MBD5: variants seen among roughly 807,000 people sequenced by gnomAD.
The protein encoded by MBD5 is methyl-CpG binding domain protein 5.
MBD5 carries 13 observed loss-of-function variants against 117.3 expected under a neutral mutation model. The ratio of observed to expected loss-of-function variants is 0.11; its 90% confidence interval spans 0.07 to 0.18. The LOEUF (loss-of-function observed/expected upper bound fraction) is 0.18, where lower values mean the gene tolerates loss of function less well. Among genes scored for constraint, MBD5 ranks in the 10% least tolerant of loss-of-function variants. The pLI is 1.00. For synonymous variants in MBD5, 727 were observed against 766.4 expected (o/e 0.95, Z 0.85); for missense variants, 1,879 against 2,093.8 (o/e 0.90, Z 2.00).
chr2:148,124,808 A>T (rs1696852265), intron 1 of MBD5, among the ~76,000 whole-genome samples: 1 of 151,944 alleles, frequency 6.6e-6, no homozygotes, highest in South Asian at 2.1e-4. Context: ...TATCTATTTA[A>T]TTTAATGGAA....
chr2:148,285,499 T>G (rs1283042394), intron 3 of MBD5, among the ~76,000 whole-genome samples: 1 of 152,222 alleles, frequency 6.6e-6, no homozygotes, highest in Non-Finnish European at 1.5e-5. Context: ...CTTTCTTTAT[T>G]GTAGATGTAA....
intron 4 of MBD5, among the ~76,000 whole-genome samples, chr2:148,449,187 G>A (rs1318881718): frequency 2.0e-5 from 3 of 152,056 alleles, no homozygotes; most frequent in Non-Finnish European, 4.4e-5. Flanking sequence ...ATATGTATTT[G>A]AGAGCTGGTA....
At chr2:148,245,206 G>A (rs1334936775) in intron 3 of MBD5, among the ~76,000 whole-genome samples, 2 of 152,122 alleles carry the variant, frequency 1.3e-5, no homozygotes, top group Non-Finnish European at 2.9e-5. Context: ...GAAACATAGT[G>A]AGACCCTGTC....
chr2:148,434,612 T>A (rs939622868), intron 4 of MBD5, among the ~76,000 whole-genome samples: 7 of 152,146 alleles, frequency 4.6e-5, no homozygotes. Flanking sequence ...TGTGCTGTGG[T>A]CCAGGAGTGG....
intron 3 of MBD5, among the ~76,000 whole-genome samples, chr2:148,288,366 C>T (rs1322794450): frequency 1.1e-5 from 1 of 94,308 alleles, no homozygotes; most frequent in South Asian, 4.9e-4. Flanking sequence ...CGCCACTGCA[C>T]TCCAGCCTGG....
chr2:148,292,163 T>G (rs1701514641), intron 3 of MBD5, among the ~76,000 whole-genome samples: 2 of 152,160 alleles, frequency 1.3e-5, no homozygotes, highest in Non-Finnish European at 2.9e-5. Context: ...GGGCAAATAT[T>G]TCTTGAGCAA....
At chr2:148,341,673 A>G (rs1341739418) in intron 3 of MBD5, among the ~76,000 whole-genome samples, 2 of 151,940 alleles carry the variant, frequency 1.3e-5, no homozygotes, top group Non-Finnish European at 1.5e-5. Context: ...TAATTGGGCT[A>G]TAATAGAAAG....
chr2:148,095,055 A>T (rs1271467772), intron 1 of MBD5, among the ~76,000 whole-genome samples: 1 of 152,160 alleles, frequency 6.6e-6, no homozygotes, highest in East Asian at 1.9e-4. Context: ...TAAATGAATA[A>T]ATAAAACTGT....
intron 4 of MBD5, among the ~76,000 whole-genome samples, chr2:148,452,568 A>G (rs1302010791): frequency 7.2e-6 from 1 of 139,574 alleles, no homozygotes; most frequent in Non-Finnish European, 1.5e-5. Flanking sequence ...TATTAGGTTG[A>G]CAATAATCTC....
chr2:148,131,008 AAG>A (rs1306378388), intron 1 of MBD5, among the ~76,000 whole-genome samples: 1 of 152,210 alleles, frequency 6.6e-6, no homozygotes, highest in Non-Finnish European at 1.5e-5. Flanking sequence ...TACGAGATGA[AAG>A]AGGAGTTCTT....
intron 12 of MBD5, among the ~76,000 whole-genome samples, chr2:148,505,783 G>A (rs1161279150): frequency 6.6e-6 from 1 of 152,158 alleles, no homozygotes; most frequent in Non-Finnish European, 1.5e-5. Flanking sequence ...AAGAAAAGAG[G>A]AAAAGGCTGA....
At chr2:148,061,288 G>A (rs1245622395) in intron 1 of MBD5, among the ~76,000 whole-genome samples, 1 of 151,856 alleles carries the variant, frequency 6.6e-6, no homozygotes, top group Non-Finnish European at 1.5e-5. Flanking sequence ...ATGATCAGTC[G>A]CTCAGTGGCC....
intron 12 of MBD5, among the ~76,000 whole-genome samples, chr2:148,508,696 A>G (rs1451210634): frequency 1.3e-5 from 2 of 152,240 alleles, no homozygotes; most frequent in Admixed American, 6.5e-5. Flanking sequence ...GTAGGGGTTG[A>G]TGCCATATTC....
chr2:148,294,195 A>G (rs1220128342), intron 3 of MBD5, among the ~76,000 whole-genome samples: 2 of 112,676 alleles, frequency 1.8e-5, no homozygotes, highest in Non-Finnish European at 3.5e-5. Flanking sequence ...GCCAGAATGA[A>G]GTTTTTTTTT....
At chr2:148,124,814 T>C (rs1195625706) in intron 1 of MBD5, among the ~76,000 whole-genome samples, 1 of 151,996 alleles carries the variant, frequency 6.6e-6, no homozygotes. Flanking sequence ...TTTAATTTAA[T>C]GGAATTTTTC....
intron 1 of MBD5, among the ~76,000 whole-genome samples, chr2:148,086,122 A>G (rs1207058186): frequency 6.6e-6 from 1 of 152,044 alleles, no homozygotes; most frequent in African/African-American, 2.4e-5. Flanking sequence ...TATATATAGT[A>G]TATGTACTAT....
chr2:148,236,948 C>G (rs543945121), intron 3 of MBD5, among the ~76,000 whole-genome samples: 2 of 152,310 alleles, frequency 1.3e-5, no homozygotes, highest in South Asian at 4.1e-4. Flanking sequence ...TCACTACTTC[C>G]TGCTTCACTT....
intron 1 of MBD5, among the ~76,000 whole-genome samples, chr2:148,131,258 T>G (rs1697040432): frequency 6.6e-6 from 1 of 152,204 alleles, no homozygotes; most frequent in Admixed American, 6.5e-5. Context: ...AGGGAATATC[T>G]CTTGGTCATC....
chr2:148,023,629 A>AAG (rs1417241678), intron 1 of MBD5, among the ~76,000 whole-genome samples: 1 of 152,188 alleles, frequency 6.6e-6, no homozygotes, highest in East Asian at 1.9e-4. Flanking sequence ...CTTTAAAGGT[A>AAG]AGAGAGAGAC....
Sources: allele counts gnomAD v4.1 joint callset (sites outside exome capture counted in the v4.1 genomes callset), GRCh38; gene constraint gnomAD v4.1.1; transcripts MANE v1.5; gene names NCBI Gene and HGNC (gene_info 2026-07-23, HGNC 2026-07-21).